SCARB1: variants seen among roughly 807,000 people sequenced by gnomAD.
The protein encoded by SCARB1 is scavenger receptor class B member 1.
Under a neutral mutation model 57.2 loss-of-function variants are expected in SCARB1, and 30 were observed. That is an observed-to-expected ratio of 0.52 (90% confidence interval 0.39 to 0.71). The LOEUF is 0.71. Among genes scored for constraint, SCARB1 ranks in the 30% least tolerant of loss-of-function variants. SCARB1 has a pLI of 0.00. For synonymous variants in SCARB1, 249 were observed against 268.3 expected (o/e 0.93, Z 0.70); for missense variants, 543 against 671.2 (o/e 0.81, Z 2.11).
chr12:124,821,985 C>T, intron 1 of SCARB1, among the ~76,000 whole-genome samples: 1 of 152,188 alleles, frequency 6.6e-6, no homozygotes, highest in East Asian at 1.9e-4. Context: ...GGCCCTGGAA[C>T]ACAGAGTTGG....
intron 12 of SCARB1, 74 bp downstream of exon 12, chr12:124,782,609 A>G (rs897986572): frequency 6.7e-7 from 1 of 1,483,432 alleles, no homozygotes; most frequent in South Asian, 1.2e-5. Flanking sequence ...CAGGACCCCA[A>G]ATGTTTTAAG....
intron 1 of SCARB1, among the ~76,000 whole-genome samples, chr12:124,826,588 G>T (rs774739648): frequency 6.6e-6 from 1 of 151,894 alleles, no homozygotes; most frequent in African/African-American, 2.4e-5. Context: ...GGACTACAAG[G>T]CACATACCAC....
intron 12 of SCARB1, 60 bp from the exon 13 acceptor site, chr12:124,778,646 T>TTGCCCC: frequency 7.5e-7 from 1 of 1,337,862 alleles, no homozygotes; most frequent in Non-Finnish European, 9.6e-7. Flanking sequence ...CCCACCCTCA[T>TTGCCCC]CCCCGCCCAC....
chr12:124,782,909 A>G, intron 11 of SCARB1, 98 bp from the exon 12 acceptor site: 1 of 1,285,502 alleles, frequency 7.8e-7, no homozygotes, highest in South Asian at 1.2e-5. Flanking sequence ...AGGAAACAGG[A>G]AAGGCACATA....
chr12:124,833,346 C>A (rs750748763), intron 1 of SCARB1, among the ~76,000 whole-genome samples: 1 of 152,020 alleles, frequency 6.6e-6, no homozygotes, highest in African/African-American at 2.4e-5. Context: ...TACACCACCA[C>A]GCCTGGCTAA....
chr12:124,786,783 G>A (rs1566135573), intron 10 of SCARB1, among the ~76,000 whole-genome samples: 1 of 152,196 alleles, frequency 6.6e-6, no homozygotes, highest in African/African-American at 2.4e-5. Context: ...CTCGTTCCCT[G>A]CCACTGAATG....
At chr12:124,833,903 A>C (rs774176902) in intron 1 of SCARB1, among the ~76,000 whole-genome samples, 2 of 152,204 alleles carry the variant, frequency 1.3e-5, no homozygotes, top group African/African-American at 2.4e-5. Context: ...GCGGAGCAGG[A>C]CACTCTCCCG....
intron 1 of SCARB1, among the ~76,000 whole-genome samples, chr12:124,818,760 C>A (rs1025170442): frequency 2.1e-4 from 32 of 151,996 alleles, no homozygotes; most frequent in Non-Finnish European, 3.1e-4. Context: ...GTTCTCCTCC[C>A]TCAGCCTCCC....
intron 1 of SCARB1, among the ~76,000 whole-genome samples, chr12:124,826,005 A>T (rs1310685669): frequency 6.6e-6 from 1 of 151,960 alleles, no homozygotes; most frequent in Non-Finnish European, 1.5e-5. Context: ...TTAATACTGT[A>T]CTGTATACTG....
chr12:124,810,072 T>C lies in SCARB1; in HGVS notation c.842+102A>G. On this transcript the variant is annotated intron_variant, in intron 6 of 12. Transcript: ENST00000261693. The surrounding 1 kb of genome is among the most constrained non-coding windows in gnomAD (Gnocchi z 4.0). ...TGGTGCCAAGGGCTACTGAGTCAAA[T>C]CCACGATGAGTCAAAATGCTTTCCA... is the stretch of plus-strand genomic sequence containing the variant. The C allele has an allele frequency of 1.3e-6, 1 of 769,184 alleles. No individual in the cohort carries two copies. Among genetic ancestry groups the C allele is most frequent in the Non-Finnish European group, 2.3e-6 (1 of 441,748 alleles). The allele number at this position is 769,184 out of a possible 1,614,324, so 47.6% of individuals were successfully genotyped here.
intron 1 of SCARB1, among the ~76,000 whole-genome samples, chr12:124,823,705 T>C (rs1435095923): frequency 6.6e-6 from 1 of 152,134 alleles, no homozygotes; most frequent in Non-Finnish European, 1.5e-5. Context: ...CTGTTCGCAA[T>C]GGGCGAAAAC....
At chr12:124,779,621 G>C (rs138869961) in intron 12 of SCARB1, among the ~76,000 whole-genome samples, 39 of 152,352 alleles carry the variant, frequency 2.6e-4, no homozygotes, top group African/African-American at 9.1e-4. Flanking sequence ...TTTGACAGTT[G>C]TAGAAAATTT....
intron 12 of SCARB1, among the ~76,000 whole-genome samples, chr12:124,780,494 G>A (rs894083436): frequency 6.6e-6 from 1 of 152,242 alleles, no homozygotes; most frequent in Admixed American, 6.5e-5. Context: ...CAGGACCCAA[G>A]AGGGGGCAGC....
At chr12:124,808,549 A>G (rs1207013330) in intron 6 of SCARB1, among the ~76,000 whole-genome samples, 1 of 152,168 alleles carries the variant, frequency 6.6e-6, no homozygotes, top group Non-Finnish European at 1.5e-5. Context: ...CTCCTCTGGC[A>G]TCTTCATCCA....
chr12:124,793,376 T>C (rs1949799264), intron 9 of SCARB1, among the ~76,000 whole-genome samples: 1 of 151,778 alleles, frequency 6.6e-6, no homozygotes, highest in African/African-American at 2.4e-5. Flanking sequence ...GGGGAGGAAC[T>C]GGAACCCTGC....
intron 8 of SCARB1, among the ~76,000 whole-genome samples, chr12:124,797,760 C>T (rs913379868): frequency 2.0e-5 from 3 of 152,206 alleles, no homozygotes; most frequent in African/African-American, 7.2e-5. Context: ...AAGGCAGAGA[C>T]CAGGGCTGGG....
Position 124,786,088 on chromosome 12 carries a change from C to G in SCARB1, c.1401+269G>C, listed in dbSNP as rs2135538532. The G allele has an allele frequency of 2.6e-6, 4 of 1,530,366 alleles. No individual in the cohort carries two copies. The East Asian group carries it at 9.8e-5, about 38-fold the overall frequency. 94.8% of individuals were successfully genotyped at this position (1,530,366 alleles called of 1,614,324 possible). A position where few individuals can be genotyped will look rare whatever the true frequency, so the allele number is the denominator to read the frequency against. Reference sequence around the variant, plus strand: ...TGAATGGATGATGCAAGTACCAGGTCTCATTACTCAAAGCCCACCTGTGCC... The same window carrying G: ...TGAATGGATGATGCAAGTACCAGGTGTCATTACTCAAAGCCCACCTGTGCC... On this transcript the variant is annotated intron_variant, in intron 11 of 12. Transcript: ENST00000261693.
At chr12:124,823,827 G>A (rs973248503) in intron 1 of SCARB1, among the ~76,000 whole-genome samples, 3 of 152,004 alleles carry the variant, frequency 2.0e-5, no homozygotes, top group South Asian at 2.1e-4. Flanking sequence ...TTACTACTGC[G>A]TAAAAAAGAA....
At chr12:124,831,787 A>C (rs1361752537) in intron 1 of SCARB1, among the ~76,000 whole-genome samples, 1 of 152,256 alleles carries the variant, frequency 6.6e-6, no homozygotes, top group Non-Finnish European at 1.5e-5. Flanking sequence ...TCATGTTGAC[A>C]TAATGTGCTG....
Sources: allele counts gnomAD v4.1 joint callset (sites outside exome capture counted in the v4.1 genomes callset), GRCh38; gene constraint gnomAD v4.1.1; non-coding constraint Gnocchi (gnomAD v3.1); transcripts MANE v1.5; gene names NCBI Gene and HGNC (gene_info 2026-07-23, HGNC 2026-07-21).